The following SOX6 variants were observed in gnomAD, a reference collection of about 807,000 sequenced individuals.
The protein encoded by SOX6 is SRY-box transcription factor 6.
A neutral mutation model predicts 97.8 loss-of-function variants in SOX6; 11 were observed. That is an observed-to-expected ratio of 0.11 (90% CI 0.07 to 0.19). The LOEUF is 0.19. SOX6 is among the 10% of genes least tolerant of loss of function. The probability of loss-of-function intolerance (pLI) is 1.00; values close to 1 mark genes in which losing one functional copy is unlikely to be tolerated. For synonymous variants in SOX6, 360 were observed against 371.4 expected (o/e 0.97, Z 0.35); for missense variants, 810 against 1,039.5 (o/e 0.78, Z 3.04).
At chr11:16,727,952 G>C (rs1848319850) in intron 2 of SOX6, among the ~76,000 whole-genome samples, 1 of 151,956 alleles carries the variant, frequency 6.6e-6, no homozygotes, top group South Asian at 2.1e-4. Context: ...TGTATACATA[G>C]ACTTTGTGGC....
intron 6 of SOX6, among the ~76,000 whole-genome samples, chr11:16,153,621 A>G (rs577099016): frequency 2.1e-4 from 32 of 152,230 alleles, no homozygotes; most frequent in Middle Eastern, 3.4e-3. Flanking sequence ...AACAGACTCA[A>G]CCTATCTCTT....
chr11:16,052,962 G>A (rs1847721654), intron 10 of SOX6, among the ~76,000 whole-genome samples: 1 of 152,150 alleles, frequency 6.6e-6, no homozygotes, highest in African/African-American at 2.4e-5. Flanking sequence ...ACCTCAGGTT[G>A]TTTCTCACAT....
chr11:16,727,603 T>C (rs1313153741), intron 2 of SOX6, among the ~76,000 whole-genome samples: 1 of 151,528 alleles, frequency 6.6e-6, no homozygotes, highest in Non-Finnish European at 1.5e-5. Context: ...CAAATTTTTT[T>C]TTTTTTGTAT....
At chr11:16,450,564 G>A (rs983698096) in intron 1 of SOX6, among the ~76,000 whole-genome samples, 2 of 152,180 alleles carry the variant, frequency 1.3e-5, no homozygotes, top group Non-Finnish European at 2.9e-5. Flanking sequence ...ACTACAAGTC[G>A]GTCCATTCTC....
intron 4 of SOX6, among the ~76,000 whole-genome samples, chr11:16,536,399 G>A (rs994347333): frequency 6.6e-6 from 1 of 152,134 alleles, no homozygotes; most frequent in African/African-American, 2.4e-5. Flanking sequence ...GCAGAAGATG[G>A]GTGATTTCTG....
At chr11:16,245,670 C>T (rs1853314690) in intron 3 of SOX6, among the ~76,000 whole-genome samples, 1 of 151,550 alleles carries the variant, frequency 6.6e-6, no homozygotes, top group Admixed American at 6.6e-5. Flanking sequence ...TTAATTGAAC[C>T]TTTAATCATT....
At chr11:16,682,849 C>T (rs992792896) in intron 3 of SOX6, among the ~76,000 whole-genome samples, 48 of 152,102 alleles carry the variant, frequency 3.2e-4, no homozygotes, top group Non-Finnish European at 5.6e-4. Context: ...CCATCATCTC[C>T]GCCCAAAATC....
At chr11:16,672,870 T>C (rs1180902644) in intron 3 of SOX6, among the ~76,000 whole-genome samples, 1 of 151,600 alleles carries the variant, frequency 6.6e-6, no homozygotes, top group African/African-American at 2.4e-5. Flanking sequence ...AAAGCAGGGG[T>C]TGCAATCCTA....
At chr11:16,251,543 A>G (rs1375464935) in intron 3 of SOX6, among the ~76,000 whole-genome samples, 2 of 152,178 alleles carry the variant, frequency 1.3e-5, no homozygotes, top group African/African-American at 4.8e-5. Context: ...AAATATACAT[A>G]TCAAAATAGA....
chr11:16,640,172 T>C (rs1848874011), intron 3 of SOX6, among the ~76,000 whole-genome samples: 1 of 152,220 alleles, frequency 6.6e-6, no homozygotes, highest in Non-Finnish European at 1.5e-5. Context: ...GATTATCATG[T>C]GGTTTTTGTC....
intron 3 of SOX6, among the ~76,000 whole-genome samples, chr11:16,671,906 C>A (rs577583129): frequency 3.3e-5 from 5 of 152,274 alleles, no homozygotes; most frequent in African/African-American, 1.2e-4. Flanking sequence ...AGAGAAAGGG[C>A]AGGTCACCTA....
chr11:15,973,788 A>G (rs1411291194), intron 15 of SOX6, among the ~76,000 whole-genome samples: 3 of 152,190 alleles, frequency 2.0e-5, no homozygotes, highest in Non-Finnish European at 4.4e-5. Flanking sequence ...CTGCAACTCA[A>G]CAGAGTAGAG....
intron 1 of SOX6, among the ~76,000 whole-genome samples, chr11:16,388,953 C>T (rs72871339): frequency 0.018 from 2,726 of 152,178 alleles, 35 homozygotes; most frequent in Non-Finnish European, 0.029. Context: ...AATTTTTTTC[C>T]CTGCCCCAAC....
intron 12 of SOX6, among the ~76,000 whole-genome samples, chr11:16,019,831 G>T (rs1049742239): frequency 2.0e-5 from 3 of 152,002 alleles, no homozygotes; most frequent in African/African-American, 7.2e-5. Flanking sequence ...TATTCCTGAC[G>T]CAGAATTTTC....
intron 1 of SOX6, among the ~76,000 whole-genome samples, chr11:16,393,141 C>A (rs1272873902): frequency 2.1e-4 from 32 of 152,030 alleles, no homozygotes; most frequent in Admixed American, 1.9e-3. Flanking sequence ...CACAGTTTCA[C>A]TCTTTTCCCT....
intron 3 of SOX6, among the ~76,000 whole-genome samples, chr11:16,242,456 C>T (rs766197012): frequency 2.0e-5 from 3 of 151,690 alleles, no homozygotes; most frequent in Non-Finnish European, 4.4e-5. Context: ...CATTGTGAAG[C>T]GACATGTGAC....
At chr11:16,260,624 C>T (rs7111718) in intron 3 of SOX6, among the ~76,000 whole-genome samples, 118,972 of 152,094 alleles carry the variant, frequency 0.78, 46,678 homozygotes, top group Non-Finnish European at 0.8. Flanking sequence ...AAAAGGGACA[C>T]ACTGTCTACC....
At chr11:16,002,839 G>T (rs1363329881) in intron 13 of SOX6, among the ~76,000 whole-genome samples, 1 of 152,160 alleles carries the variant, frequency 6.6e-6, no homozygotes, top group Non-Finnish European at 1.5e-5. Flanking sequence ...AAATTAAGAA[G>T]TGCAAAGCAA....
chr11:16,681,113 T>G (rs576137564), intron 3 of SOX6, among the ~76,000 whole-genome samples: 2 of 152,178 alleles, frequency 1.3e-5, no homozygotes, highest in East Asian at 3.8e-4. Context: ...GCAGACCTAA[T>G]AGACATCTAC....
Sources: gnomAD v4.1 joint callset for allele counts (sites outside exome capture counted in the v4.1 genomes callset) on GRCh38, gnomAD v4.1.1 for gene constraint, MANE v1.5 for transcripts, NCBI Gene and HGNC (gene_info 2026-07-23, HGNC 2026-07-21) for gene names.